Variants in AK9 observed in about 807,000 individuals in gnomAD.
AK9 encodes the protein adenylate kinase 9.
AK9 carries 191 observed loss-of-function variants against 239.6 expected under a neutral mutation model. The ratio of observed to expected loss-of-function variants is 0.80; its 90% confidence interval spans 0.71 to 0.90. The LOEUF is 0.90. AK9 is among the 40% of genes least tolerant of loss of function. The pLI, the probability that AK9 is intolerant of heterozygous loss-of-function variation, is 0.00. For synonymous variants in AK9, 689 were observed against 721.0 expected (o/e 0.96, Z 0.71); for missense variants, 1,995 against 2,214.7 (o/e 0.90, Z 1.99).
chr6:109,641,392 C>A (rs1385485028), intron 10 of AK9, 126 bp downstream of exon 10: 11 of 456,228 alleles, frequency 2.4e-5, no homozygotes, highest in Admixed American at 8.3e-5. Flanking sequence ...CTGACTAGGT[C>A]ATCCAGGCTG....
At chr6:109,613,001 T>C (rs1049559409) in intron 15 of AK9, among the ~76,000 whole-genome samples, 8 of 148,610 alleles carry the variant, frequency 5.4e-5, no homozygotes, top group Non-Finnish European at 1.2e-4. Context: ...TATATAATTA[T>C]ATATTATATA....
rs1789471254 is a variant in AK9 at position 109,586,083 on chromosome 6, T to G, written c.1843-11A>C. The G allele has an allele frequency of 1.3e-6, 2 of 1,547,556 alleles. No individual in the cohort carries two copies. The highest frequency in any genetic ancestry group is 4.9e-5 in the East Asian group (2 of 40,808). The stretch of plus-strand genomic sequence containing the variant: ...GTTTTCTTCCATTACCTGTGAAAAA[T>G]TGTACACTGATATTACTATCATAGC... On this transcript the variant is annotated splice_polypyrimidine_tract_variant and intron_variant, in intron 17 of 40. Coordinates refer to ENST00000424296, the MANE Select transcript of AK9 (RefSeq NM_001145128.3).
chr6:109,542,499 G>A (rs1783028600), intron 26 of AK9, among the ~76,000 whole-genome samples: 1 of 152,202 alleles, frequency 6.6e-6, no homozygotes, highest in Non-Finnish European at 1.5e-5. Context: ...GCAATGATAA[G>A]TGCTCAAGGT....
intron 5 of AK9, among the ~76,000 whole-genome samples, chr6:109,662,904 A>T (rs999117747): frequency 6.6e-6 from 1 of 152,040 alleles, no homozygotes; most frequent in Non-Finnish European, 1.5e-5. Context: ...TGAAAACTCC[A>T]AGTCAATTTA....
At chr6:109,636,561 TC>T (rs1460012798) in intron 10 of AK9, among the ~76,000 whole-genome samples, 2 of 150,452 alleles carry the variant, frequency 1.3e-5, no homozygotes, top group African/African-American at 2.4e-5. Context: ...TAACTCTCCT[TC>T]CCCCCAGCCC....
chr6:109,684,869 G>A (rs1422071152), intron 1 of AK9, among the ~76,000 whole-genome samples: 3 of 49,866 alleles, frequency 6.0e-5, no homozygotes, highest in South Asian at 9.4e-4. Context: ...GTGAGACTCC[G>A]TCTCAAAAAA....
At chr6:109,582,724 T>C (rs1199811518) in intron 19 of AK9, among the ~76,000 whole-genome samples, 5 of 152,166 alleles carry the variant, frequency 3.3e-5, no homozygotes, top group Non-Finnish European at 7.4e-5. Flanking sequence ...TTTGAGAGGA[T>C]TGACTCCAAT....
intron 24 of AK9, chr6:109,550,678 C>T (rs1377028656): frequency 6.3e-6 from 1 of 159,608 alleles, no homozygotes; most frequent in Non-Finnish European, 1.4e-5. Flanking sequence ...AACTTCTTAC[C>T]CATGGCAAAT....
At chr6:109,496,859 G>A (rs1437149821) in intron 38 of AK9, among the ~76,000 whole-genome samples, 2 of 152,002 alleles carry the variant, frequency 1.3e-5, no homozygotes, top group East Asian at 1.9e-4. Context: ...ATTCCAACAC[G>A]GACCTCACTT....
chr6:109,549,766 C>T, intron 25 of AK9: 1 of 160,952 alleles, frequency 6.2e-6, no homozygotes, highest in Non-Finnish European at 1.3e-5. Flanking sequence ...CCCGGGTTCA[C>T]GCCATTCTCC....
In AK9 at chr6:109,633,179, C is replaced by T; in HGVS notation, c.1073+5G>A. ...TTAAAATTAAGTTCTGAAAATCTTACTTACCTCACAGAATAATCTGGTAAT... is the reference window on the plus strand; with the variant it reads ...TTAAAATTAAGTTCTGAAAATCTTATTTACCTCACAGAATAATCTGGTAAT... On this transcript the variant is annotated splice_donor_5th_base_variant and intron_variant, in intron 11 of 40. Transcript: ENST00000424296. 6.3e-7 allele frequency: 1 copy of T among 1,581,734 alleles called. No homozygotes were observed. The highest frequency in any genetic ancestry group is 1.2e-5 in the South Asian group (1 of 85,166).
At chr6:109,676,318 C>T (rs1562599399) in intron 1 of AK9, among the ~76,000 whole-genome samples, 1 of 151,852 alleles carries the variant, frequency 6.6e-6, no homozygotes, top group Admixed American at 6.6e-5. Flanking sequence ...TTGATTTGCT[C>T]TTAAGCGGAT....
chr6:109,620,027 A>G (rs963039801), intron 12 of AK9, among the ~76,000 whole-genome samples: 1 of 152,098 alleles, frequency 6.6e-6, no homozygotes, highest in African/African-American at 2.4e-5. Context: ...CATTGTATGA[A>G]TATACTACAG....
rs55998817 is a variant in AK9, at chr6:109,592,446, CT to C, written c.1843-6375del. Among the ~76,000 whole-genome samples the C allele has an allele frequency of 3.5e-3, 439 of 126,754 alleles. 1 individual carries two copies. The highest frequency in any genetic ancestry group is 4.4e-3 in the Non-Finnish European group (270 of 61,986). 83.2% of individuals were successfully genotyped at this position (126,754 alleles called of 152,430 possible). On this transcript the variant is annotated intron_variant, in intron 17 of 40. Coordinates refer to ENST00000424296, the MANE Select transcript of AK9 (RefSeq NM_001145128.3). The stretch of plus-strand genomic sequence containing the variant: ...GTCTGTTGTTAGTCTAATGGGATTT[CT>C]TTTTTTTTTTTTTTTTTGAGACGGA...
chr6:109,674,895 A>G (rs1036963317), intron 2 of AK9, among the ~76,000 whole-genome samples: 1 of 152,210 alleles, frequency 6.6e-6, no homozygotes, highest in Non-Finnish European at 1.5e-5. Context: ...AATCTCTGCT[A>G]TTCTGGAGAG....
chr6:109,504,635 C>G (rs1777924794), intron 35 of AK9, among the ~76,000 whole-genome samples: 1 of 151,682 alleles, frequency 6.6e-6, no homozygotes, highest in African/African-American at 2.4e-5. Flanking sequence ...ATGGTGAAAC[C>G]CTGTCTCTAC....
rs565675241 is a variant in AK9 at position 109,554,257 on chromosome 6, T to C, written c.2752-3955A>G. Among the ~76,000 whole-genome samples the C allele has an allele frequency of 7.9e-5, 12 of 152,278 alleles. No homozygotes were observed. In the South Asian group the frequency reaches 2.5e-3, roughly 32 times the overall value. ...TCTCCTTTTCAGTTGTTTGCAATAG[T>C]TTCAGAAGTAATGGTACCAGCTCCT... is the stretch of plus-strand genomic sequence containing the variant. On this transcript the variant is annotated intron_variant, in intron 24 of 40. Coordinates refer to ENST00000424296, the MANE Select transcript of AK9 (RefSeq NM_001145128.3).
intron 25 of AK9, 54 bp from the exon 26 acceptor site, chr6:109,546,181 A>G (rs762638832): frequency 1.4e-4 from 211 of 1,471,786 alleles, no homozygotes; most frequent in Non-Finnish European, 1.8e-4. Context: ...GTGAAGGAAA[A>G]GCAGTTTTGA....
At chr6:109,509,529 G>GGCTGCTGCCATCACACTGGCT in intron 32 of AK9, 149 bp from the exon 33 acceptor site, 1 of 724,366 alleles carries the variant, frequency 1.4e-6, no homozygotes, top group Middle Eastern at 3.9e-4. Context: ...TGATGGCAGT[G>GGCTGCTGCCATCACACTGGCT]GCTGCTGCCA....
Sources: allele counts gnomAD v4.1 joint callset (sites outside exome capture counted in the v4.1 genomes callset), GRCh38; gene constraint gnomAD v4.1.1; transcripts MANE v1.5; gene names NCBI Gene and HGNC (gene_info 2026-07-23, HGNC 2026-07-21).